SLCO1A2: variants seen among roughly 807,000 people sequenced by gnomAD.
SLCO1A2 encodes the protein OATP-1.
SLCO1A2 carries 67 observed loss-of-function variants against 69.0 expected under a neutral mutation model. The ratio of observed to expected loss-of-function variants is 0.97; its 90% CI spans 0.80 to 1.19. SLCO1A2 has a LOEUF of 1.19. SLCO1A2 is among the 50% of genes most tolerant of loss of function. SLCO1A2 has a pLI of 0.00. For synonymous variants in SLCO1A2, 260 were observed against 265.9 expected (o/e 0.98, Z 0.22); for missense variants, 787 against 793.7 (o/e 0.99, Z 0.10).
At chr12:21,341,365 T>C (rs1209477282) in intron 2 of SLCO1A2, among the ~76,000 whole-genome samples, 2 of 152,088 alleles carry the variant, frequency 1.3e-5, no homozygotes, top group Non-Finnish European at 2.9e-5. Flanking sequence ...TAGGAATTTC[T>C]ATGCTGTTTT....
intron 2 of SLCO1A2, among the ~76,000 whole-genome samples, chr12:21,332,161 G>A (rs898672023): frequency 3.3e-5 from 5 of 152,140 alleles, no homozygotes; most frequent in African/African-American, 4.8e-5. Flanking sequence ...TCAAGGTGGA[G>A]TACAGCTTGC....
intron 2 of SLCO1A2, chr12:21,373,407 A>C (rs1279799238): frequency 6.2e-7 from 1 of 1,613,222 alleles, no homozygotes; most frequent in South Asian, 1.1e-5. Context: ...GCATTGAACC[A>C]TCTGAAAGCT....
chr12:21,371,337 T>A (rs1361107300), intron 2 of SLCO1A2, among the ~76,000 whole-genome samples: 13 of 152,176 alleles, frequency 8.5e-5, no homozygotes, highest in Admixed American at 7.9e-4. Context: ...GCCTCCTACC[T>A]CATATTCACC....
chr12:21,401,222 C>CA (rs747186010), intron 1 of SLCO1A2, among the ~76,000 whole-genome samples: 2 of 151,508 alleles, frequency 1.3e-5, no homozygotes, highest in African/African-American at 4.8e-5. Flanking sequence ...TTGTAAATCA[C>CA]AAAAAAGTTC....
chr12:21,363,040 C>A lies in SLCO1A2; in HGVS notation c.-63+11359G>T, dbSNP rs550233362. On this transcript the variant is annotated intron_variant, in intron 2 of 15. Coordinates refer to the SLCO1A2 transcript ENST00000307378. ...GAATTAAACTCAGCTCTGCACCAAG[C>A]GGACCTAATAGACATCTACAGAACT... Among the ~76,000 whole-genome samples the A allele has an allele frequency of 5.3e-5, 8 of 152,248 alleles. No homozygotes were observed. The East Asian group carries it at 1.3e-3, about 26-fold the overall frequency.
chr12:21,314,607 A>G lies in SLCO1A2; in HGVS notation c.277T>C (p.Cys93Arg), dbSNP rs780561805. The change falls in exon 4 of 15, where the codon TGT becomes CGT. Residue 93 changes from cysteine to arginine, a missense_variant. Transcript: ENST00000683939. ...AAACAGCCTAAGCCCATAACCACAC[A>G]TCCAATGCCAATCATTATAGGTCTA... ...LHRPIMIGIG[C>R]VVMGLGCFLK... is the part of the protein sequence containing the mutation. The G allele has an allele frequency of 2.5e-6, 4 of 1,613,832 alleles. No individual in the cohort carries two copies. Among genetic ancestry groups the G allele is most frequent in the East Asian group, 4.5e-5 (2 of 44,882 alleles).
chr12:21,316,320 A>G (rs1565494139), intron 3 of SLCO1A2, among the ~76,000 whole-genome samples: 1 of 152,116 alleles, frequency 6.6e-6, no homozygotes, highest in Non-Finnish European at 1.5e-5. Context: ...TAGCCTACAC[A>G]TATTCTCTAG....
At chr12:21,414,919 T>A (rs1346566669) in intron 1 of SLCO1A2, among the ~76,000 whole-genome samples, 2 of 152,118 alleles carry the variant, frequency 1.3e-5, no homozygotes, top group African/African-American at 4.8e-5. Flanking sequence ...TCCTAATCAT[T>A]ATTTTGTACC....
intron 12 of SLCO1A2, among the ~76,000 whole-genome samples, chr12:21,280,188 A>G (rs1390608263): frequency 6.6e-6 from 1 of 152,128 alleles, no homozygotes; most frequent in East Asian, 1.9e-4. Context: ...AAGGAAGAGA[A>G]AACCAGAAAA....
intron 10 of SLCO1A2, chr12:21,294,372 G>A (rs1947390840): frequency 4.0e-6 from 1 of 250,874 alleles, no homozygotes; most frequent in Admixed American, 5.5e-5. Flanking sequence ...CCTACCATGT[G>A]GAGTCATGTT....
chr12:21,274,716 T>C (rs973661058), intron 13 of SLCO1A2, 130 bp from the exon 14 acceptor site: 15 of 752,684 alleles, frequency 2.0e-5, no homozygotes, highest in Non-Finnish European at 3.1e-5. Context: ...CTAAATTTTA[T>C]TTTTAGAAAT....
chr12:21,419,462 G>T (rs201591986), upstream of SLCO1A2: 1 of 153,004 alleles, frequency 6.5e-6, no homozygotes, highest in Non-Finnish European at 1.5e-5. Flanking sequence ...GGTGACGGAC[G>T]GCACCTGGAA....
At position 21,334,644 on chromosome 12, in the gene SLCO1A2, C is replaced by G; in HGVS notation, c.4G>C (p.Gly2Arg). 1 of 1,609,052 alleles carries G rather than the reference C, an allele frequency of 6.2e-7. No homozygotes were observed. Among genetic ancestry groups the G allele is most frequent in the Admixed American group, 1.7e-5 (1 of 59,448 alleles). The part of the protein sequence containing the change: M[G>R]ETEKRIETHR... ...GTTTCAATTCTTTTCTCAGTTTCTC[C>G]CATGTTGCTCTTCAGGGTGTTCCAA... Residue 2 changes from glycine (G) to arginine (R), a missense_variant, in exon 2 of 15, where the codon GGA (glycine) becomes CGA (arginine). By Grantham distance (125) the Gly-to-Arg change is moderately radical. Coordinates refer to ENST00000683939, the MANE Select transcript of SLCO1A2 (RefSeq NM_001386879.1).
chr12:21,402,363 T>G (rs1253896723), intron 1 of SLCO1A2, among the ~76,000 whole-genome samples: 1 of 151,994 alleles, frequency 6.6e-6, no homozygotes, highest in East Asian at 1.9e-4. Context: ...GAACTGGGGT[T>G]TATAAGAGAG....
intron 1 of SLCO1A2, among the ~76,000 whole-genome samples, chr12:21,374,792 C>CT (rs1180151557): frequency 6.6e-6 from 1 of 151,384 alleles, no homozygotes; most frequent in African/African-American, 2.4e-5. Context: ...TTTACCCTCT[C>CT]TTTTTTTTAT....
In SLCO1A2 at chr12:21,275,384, G is replaced by A. The variant is rs138287536; in HGVS notation, c.1651C>T (p.His551Tyr). The A allele has an allele frequency of 2.6e-6, 4 of 1,558,386 alleles. No homozygotes were observed. Among genetic ancestry groups the A allele is most frequent in the Non-Finnish European group, 3.5e-6 (4 of 1,143,572 alleles). ...SEEKSLGVGL[H>Y]TFCTRVFAGI... ...CCAAATACTCTTGTGCAAAATGTATGTAATCCCACACCAAGGGACTTCTCT... is the reference window on the plus strand; with the variant it reads ...CCAAATACTCTTGTGCAAAATGTATATAATCCCACACCAAGGGACTTCTCT... The change falls in exon 13 of 15, where the codon CAT (histidine) becomes TAT (tyrosine). Residue 551 changes from histidine to tyrosine, a missense_variant. Coordinates refer to ENST00000683939, the MANE Select transcript of SLCO1A2 (RefSeq NM_001386879.1).
At chr12:21,281,295 C>A (rs1944741302) in intron 12 of SLCO1A2, among the ~76,000 whole-genome samples, 1 of 151,832 alleles carries the variant, frequency 6.6e-6, no homozygotes, top group African/African-American at 2.4e-5. Flanking sequence ...ACTAAAAATA[C>A]AAAAATTAGC....
chr12:21,386,441 G>A (rs1940883398), intron 1 of SLCO1A2, among the ~76,000 whole-genome samples: 1 of 152,068 alleles, frequency 6.6e-6, no homozygotes, highest in African/African-American at 2.4e-5. Context: ...GGGGCCAGGT[G>A]GGAGGTAATT....
At position 21,310,660 on chromosome 12, in the gene SLCO1A2, TGGCACGATCTC is replaced by T. The variant is rs893380111; in HGVS notation, c.336-3683_336-3673del. On this transcript the variant is annotated intron_variant, in intron 4 of 14. Coordinates refer to ENST00000683939, the MANE Select transcript of SLCO1A2 (RefSeq NM_001386879.1). ...TATGTCGCCCAGGCTGGAGTGCAAG[TGGCACGATCTC>T]GGCGCACTGCAAGCTCTGCCTCCCG... Among the ~76,000 whole-genome samples the T allele has an allele frequency of 2.0e-5, 3 of 152,224 alleles. No homozygotes were observed. In the East Asian group the frequency reaches 5.8e-4, roughly 29 times the overall value.
Sources: gnomAD v4.1 joint callset for allele counts (sites outside exome capture counted in the v4.1 genomes callset) on GRCh38, gnomAD v4.1.1 for gene constraint, MANE v1.5 for transcripts, NCBI Gene and HGNC (gene_info 2026-07-23, HGNC 2026-07-21) for gene names.